Variants in BAIAP3 observed in about 807,000 individuals in gnomAD.
BAIAP3 encodes BAI1-associated protein 3.
Under a neutral mutation model 149.7 loss-of-function variants are expected in BAIAP3, and 180 were observed. The observed-to-expected ratio is 1.20, with a 90% CI of 1.07 to 1.36. BAIAP3 has a LOEUF of 1.36. BAIAP3 is among the 40% of genes most tolerant of loss of function. The pLI is 0.00. For synonymous variants in BAIAP3, 845 were observed against 670.7 expected, an observed-to-expected ratio of 1.26 and a Z score of -4.02; for missense variants, 1,767 against 1,563.4, an observed-to-expected ratio of 1.13 and a Z score of -2.20.
Position 1,344,312 on chromosome 16 carries a change from CTGAAGGTGTGT to C in BAIAP3, c.1599_1602+7del, listed in dbSNP as rs1475848354. The C allele has an allele frequency of 6.2e-7, 1 of 1,613,840 alleles. No homozygotes were observed. Among genetic ancestry groups the C allele is most frequent in the Non-Finnish European group, 8.5e-7 (1 of 1,179,984 alleles). On this transcript the variant is annotated splice_donor_variant and splice_donor_5th_base_variant and coding_sequence_variant and intron_variant, in exon 17 of 34. Transcript: ENST00000426824. LOFTEE classifies it high-confidence loss of function. Reference sequence around the variant, plus strand: ...GCTGAACATGGACATTGCTGCGGCCCTGAAGGTGTGTTCCAAAGCCCAGTGGAGGCCGGCTG... The same window carrying C: ...GCTGAACATGGACATTGCTGCGGCCCTCCAAAGCCCAGTGGAGGCCGGCTG...
chr16:1,336,502 G>A, intron 1 of BAIAP3: 1 of 607,214 alleles, frequency 1.6e-6, no homozygotes, highest in Non-Finnish European at 2.1e-6. Flanking sequence ...CTGCACCCAG[G>A]GCTCGGGGGC....
In BAIAP3 at chr16:1,342,080, C is replaced by T; in HGVS notation, c.854+17C>T. ...CATGGGCAGGTATGACTGCTGGGAC[C>T]TTTCTACCCATCACCCGTGCCCTCA... is the stretch of plus-strand genomic sequence containing the variant. On this transcript the variant is annotated intron_variant, in intron 10 of 33. Transcript: ENST00000426824. 1 of 1,588,148 alleles carries T rather than the reference C, an allele frequency of 6.3e-7. No individual in the cohort carries two copies. Among genetic ancestry groups the T allele is most frequent in the Non-Finnish European group, 8.6e-7 (1 of 1,166,560 alleles).
chr16:1,341,555 C>G, intron 8 of BAIAP3, 66 bp downstream of exon 8: 1 of 1,539,384 alleles, frequency 6.5e-7, no homozygotes, highest in East Asian at 2.3e-5. Flanking sequence ...TGGGCTGTGC[C>G]TGGAGGGTGG....
chr16:1,342,280 C>T lies in BAIAP3; in HGVS notation c.954C>T (p.Val318=), dbSNP rs1567164116. ...TCCTGGGGTGCCTCAACATACCTGT[C>T]CGGGTGAGTGGGTGTGGGGTGGGGC... ...DDFLGCLNIP[V]REVPVAGVDR... is the part of the protein sequence containing the mutation. Residue 318 remains valine (V), a synonymous_variant, in exon 11 of 34, where the codon GTC becomes GTT. Coordinates refer to ENST00000426824, the MANE Select transcript of BAIAP3 (RefSeq NM_001199097.2). 1 of 1,612,152 alleles carries T rather than the reference C, an allele frequency of 6.2e-7. No homozygotes were observed. Among genetic ancestry groups the T allele is most frequent in the Non-Finnish European group, 8.5e-7 (1 of 1,179,640 alleles).
At chr16:1,343,187 C>G (rs1316051489) in intron 14 of BAIAP3, 171 bp downstream of exon 14, 10 of 1,060,144 alleles carry the variant, frequency 9.4e-6, no homozygotes, top group African/African-American at 1.6e-5. Context: ...GGGGGCGGTG[C>G]TACGGGTAGG....
intron 4 of BAIAP3, 49 bp from the exon 5 acceptor site, chr16:1,339,447 G>T: frequency 6.4e-7 from 1 of 1,559,920 alleles, no homozygotes; most frequent in Non-Finnish European, 8.8e-7. Flanking sequence ...GCTGCTGAGG[G>T]CTGGGGGCCT....
At position 1,345,025 on chromosome 16, in the gene BAIAP3, G is replaced by A. The variant is rs1596582485; in HGVS notation, c.1866G>A (p.Glu622=). Residue 622 remains glutamate, a synonymous_variant, in exon 21 of 34, where the codon GAG becomes GAA. Coordinates refer to ENST00000426824, the MANE Select transcript of BAIAP3 (RefSeq NM_001199097.2). ...TEELSPKMTL[E]VASGLFELYL... is the part of the protein sequence containing the mutation. ...AGCTGAGCCCCAAGATGACCCTGGA[G>A]GTGGCCTCGGGGCTCTTTGAGCTCT... is the stretch of plus-strand genomic sequence containing the variant. 1 of 1,612,554 alleles carries A rather than the reference G, an allele frequency of 6.2e-7. No individual in the cohort carries two copies. The highest frequency in any genetic ancestry group is 8.5e-7 in the Non-Finnish European group (1 of 1,180,002).
intron 1 of BAIAP3, 88 bp from the exon 2 acceptor site, chr16:1,338,452 C>CGGGGGGGGGGGGGG: frequency 6.6e-5 from 14 of 211,092 alleles, no homozygotes; most frequent in Middle Eastern, 2.0e-3. Flanking sequence ...CACCTCTTCC[C>CGGGGGGGGGGGGGG]GCCCCACCCC....
rs1163278324 is a variant in BAIAP3 at position 1,344,220 on chromosome 16, C to A, written c.1512-7C>A. On this transcript the variant is annotated splice_region_variant and splice_polypyrimidine_tract_variant and intron_variant, in intron 16 of 33. Transcript: ENST00000426824. ...AGGCCCCACGTCAGCGTGCTGCCCC[C>A]ACCCAGGTGTCTGGGCAAGCTGCAG... 1.9e-6 allele frequency: 3 copies of A among 1,613,258 alleles called. No individual in the cohort carries two copies. The highest frequency in any genetic ancestry group is 1.6e-4 in the Middle Eastern group (1 of 6,062).
chr16:1,343,548 C>A, intron 15 of BAIAP3, 35 bp downstream of exon 15: 1 of 1,600,912 alleles, frequency 6.2e-7, no homozygotes, highest in Non-Finnish European at 8.5e-7. Flanking sequence ...CCAGCCATGG[C>A]GAAGGGAGTG....
chr16:1,338,453 G>GGGGGGGGGGGGGGGGC, intron 1 of BAIAP3, 87 bp from the exon 2 acceptor site: 1 of 177,274 alleles, frequency 5.6e-6, no homozygotes, highest in Admixed American at 7.0e-5. Flanking sequence ...ACCTCTTCCC[G>GGGGGGGGGGGGGGGGC]CCCCACCCCC....
chr16:1,348,996 C>T lies in BAIAP3; in HGVS notation c.*514C>T, dbSNP rs1400543677. On this transcript the variant is annotated 3_prime_UTR_variant, in exon 34 of 34. Coordinates refer to ENST00000426824, the MANE Select transcript of BAIAP3 (RefSeq NM_001199097.2). ...CAAAGGGCAGGTGAGTCAAGAACCGCATAGGTCTCCAGTCCCCACGGGGCT... is the reference window on the plus strand; with the variant it reads ...CAAAGGGCAGGTGAGTCAAGAACCGTATAGGTCTCCAGTCCCCACGGGGCT... 1.4e-5 allele frequency: 4 copies of T among 278,200 alleles called. No homozygotes were observed. Among genetic ancestry groups the T allele is most frequent in the Non-Finnish European group, 2.1e-5 (3 of 144,250 alleles). The allele number at this position is 278,200 out of a possible 1,614,324, so 17.2% of individuals were successfully genotyped here.
Position 1,338,617 on chromosome 16 carries a change from G to T in BAIAP3, c.68G>T (p.Arg23Leu). The T allele has an allele frequency of 6.2e-7, 1 of 1,601,472 alleles. No individual in the cohort carries two copies. Among genetic ancestry groups the T allele is most frequent in the Non-Finnish European group, 8.5e-7 (1 of 1,175,216 alleles). Residue 23 changes from arginine to leucine, a missense_variant, in exon 2 of 34, where the codon CGC becomes CTC. By Grantham distance (102) the Arg-to-Leu change is moderately radical (BLOSUM62 -2). Transcript: ENST00000426824. ...RQVQVCPSFR[R>L]RTEQDPGSAS... ...GTGCAGGTGTGCCCGTCCTTCCGCC[G>T]CAGGACTGAGCAGGACCCAGGGAGT...
At chr16:1,343,338 G>A (rs905739634) in intron 14 of BAIAP3, 55 bp from the exon 15 acceptor site, 86 of 1,560,360 alleles carry the variant, frequency 5.5e-5, no homozygotes, top group Non-Finnish European at 7.5e-5. Context: ...GCGGTGCTGA[G>A]TGGGCATGGC....
chr16:1,346,635 G>T lies in BAIAP3; in HGVS notation c.2593G>T (p.Glu865Ter). 1 of 1,463,748 alleles carries T rather than the reference G, an allele frequency of 6.8e-7. No homozygotes were observed. 90.7% of individuals were successfully genotyped at this position (1,463,748 alleles called of 1,614,324 possible). A position where few individuals can be genotyped will look rare whatever the true frequency, so the allele number is the denominator to read the frequency against. The change falls in exon 27 of 34, where the codon GAG becomes TAG. Residue 865 changes from glutamate to a stop codon, truncating the protein, a stop_gained. Coordinates refer to ENST00000426824, the MANE Select transcript of BAIAP3 (RefSeq NM_001199097.2). LOFTEE classifies it high-confidence loss of function. ...AVAPLMKYLDEKLALLNASLV... is the reference protein window; with the variant it reads ...AVAPLMKYLD Reference sequence around the variant, plus strand: ...GGCCCCGCTCATGAAGTACCTGGATGAGAAGCTGGCCCTGCTGAACGCCTC... The same window carrying T: ...GGCCCCGCTCATGAAGTACCTGGATTAGAAGCTGGCCCTGCTGAACGCCTC...
At chr16:1,334,817 G>A in intron 1 of BAIAP3, 1 of 1,445,984 alleles carries the variant, frequency 6.9e-7, no homozygotes, top group Non-Finnish European at 9.5e-7. Flanking sequence ...GGAGTCGGGG[G>A]GCTGAGGGAG....
At chr16:1,348,062 C>G in intron 32 of BAIAP3, 34 bp from the exon 33 acceptor site, 2 of 1,478,446 alleles carry the variant, frequency 1.4e-6, no homozygotes, top group Non-Finnish European at 1.8e-6. Context: ...TCCAGGCTGC[C>G]GGAGCGAGAC....
At chr16:1,341,024 C>T in intron 6 of BAIAP3, 43 bp downstream of exon 6, 1 of 1,609,830 alleles carries the variant, frequency 6.2e-7, no homozygotes, top group Non-Finnish European at 8.5e-7. Context: ...CAGCACGTGC[C>T]TGCGTGGCGG....
chr16:1,344,417 C>T (rs1376258543), intron 17 of BAIAP3, 52 bp from the exon 18 acceptor site: 9 of 1,611,770 alleles, frequency 5.6e-6, no homozygotes, highest in African/African-American at 1.3e-5. Flanking sequence ...TCTTGCCCAC[C>T]TCTTCCTCTT....
Sources: gnomAD v4.1 joint callset for allele counts on GRCh38, gnomAD v4.1.1 for gene constraint, MANE v1.5 for transcripts, NCBI Gene and HGNC (gene_info 2026-07-23, HGNC 2026-07-21) for gene names.